Variants in UBTD1 observed in about 807,000 individuals in gnomAD.
The protein encoded by UBTD1 is ubiquitin domain-containing protein 1.
UBTD1 carries 19 observed loss-of-function variants against 21.7 expected under a neutral mutation model. That is an observed-to-expected ratio of 0.87 (90% CI 0.61 to 1.28). UBTD1 has a LOEUF of 1.28. Among genes scored for constraint, UBTD1 ranks in the 50% most tolerant of loss-of-function variants. UBTD1 has a pLI of 0.00. For missense variants in UBTD1, 282 were observed against 315.1 expected (o/e 0.89, Z 0.80); for synonymous variants, 116 against 135.1 (o/e 0.86, Z 0.98).
chr10:97,501,124 T>A (rs1399303189), intron 1 of UBTD1, among the ~76,000 whole-genome samples: 1 of 152,198 alleles, frequency 6.6e-6, no homozygotes. Flanking sequence ...CTTGCCACCC[T>A]ACTTTGTACC....
intron 1 of UBTD1, among the ~76,000 whole-genome samples, chr10:97,515,319 G>A (rs2040439479): frequency 6.6e-6 from 1 of 152,218 alleles, no homozygotes; most frequent in Admixed American, 6.5e-5. Context: ...GAGAGTATTT[G>A]TCGAGCACAG....
intron 1 of UBTD1, among the ~76,000 whole-genome samples, chr10:97,558,139 C>T (rs1158151165): frequency 6.6e-6 from 1 of 152,018 alleles, no homozygotes; most frequent in Non-Finnish European, 1.5e-5. Flanking sequence ...CCACGTACAG[C>T]TCCCAGTCTA....
intron 2 of UBTD1, among the ~76,000 whole-genome samples, chr10:97,569,193 T>C (rs1223029745): frequency 6.6e-6 from 1 of 152,242 alleles, no homozygotes; most frequent in African/African-American, 2.4e-5. Context: ...GCTTCTCGAA[T>C]TTAGAGCCTG....
intron 1 of UBTD1, among the ~76,000 whole-genome samples, chr10:97,546,012 T>A (rs1404831697): frequency 6.6e-6 from 1 of 152,148 alleles, no homozygotes; most frequent in South Asian, 2.1e-4. Flanking sequence ...CTCAAACTCC[T>A]GATCTCAAGA....
At chr10:97,541,204 C>T (rs574509618) in intron 1 of UBTD1, among the ~76,000 whole-genome samples, 13 of 152,236 alleles carry the variant, frequency 8.5e-5, no homozygotes, top group Middle Eastern at 3.4e-3. Context: ...TTACCAGGCA[C>T]GGTGGCTCAT....
intron 1 of UBTD1, among the ~76,000 whole-genome samples, chr10:97,553,985 A>G (rs1589881617): frequency 6.6e-6 from 1 of 152,188 alleles, no homozygotes; most frequent in Non-Finnish European, 1.5e-5. Context: ...GGGACCCTGA[A>G]GGCTACTCTG....
intron 1 of UBTD1, among the ~76,000 whole-genome samples, chr10:97,552,210 A>T (rs1039506561): frequency 5.3e-5 from 8 of 151,242 alleles, no homozygotes; most frequent in African/African-American, 2.0e-4. Flanking sequence ...AAAAAAAAAA[A>T]AAATTTTTTT....
intron 1 of UBTD1, among the ~76,000 whole-genome samples, chr10:97,517,232 C>T (rs530582454): frequency 1.3e-5 from 2 of 152,110 alleles, no homozygotes; most frequent in East Asian, 3.9e-4. Context: ...GTGGTAGGGG[C>T]TCTGGGGAGG....
chr10:97,570,719 G>C lies in UBTD1; in HGVS notation c.*196G>C. On this transcript the variant is annotated 3_prime_UTR_variant, in exon 3 of 3. Transcript: ENST00000370664. The surrounding 1 kb of genome is among the most constrained non-coding windows in gnomAD (Gnocchi z 6.6). The stretch of plus-strand genomic sequence containing the variant: ...ACCCAGGGAGCAGGCAGCCACACAC[G>C]GGCCTTGCAACCTTGTCAGAGAAAA... The C allele has an allele frequency of 1.5e-6, 1 of 645,376 alleles. No homozygotes were observed. Among genetic ancestry groups the C allele is most frequent in the East Asian group, 2.8e-5 (1 of 36,026 alleles). The allele number at this position is 645,376 out of a possible 1,614,324, so 40.0% of individuals were successfully genotyped here.
intron 1 of UBTD1, among the ~76,000 whole-genome samples, chr10:97,522,580 AAC>A (rs763989868): frequency 3.9e-5 from 6 of 152,134 alleles, no homozygotes; most frequent in Non-Finnish European, 8.8e-5. Context: ...CCAGGCAGGA[AAC>A]ACAACCCCAG....
intron 1 of UBTD1, among the ~76,000 whole-genome samples, chr10:97,557,350 T>G (rs1227139686): frequency 6.6e-6 from 1 of 151,412 alleles, no homozygotes; most frequent in Non-Finnish European, 1.5e-5. Context: ...TGTTGCATGT[T>G]TTTTTTTTAA....
chr10:97,565,456 C>T (rs2040712565), intron 1 of UBTD1, among the ~76,000 whole-genome samples: 3 of 152,088 alleles, frequency 2.0e-5, no homozygotes, highest in Admixed American at 2.0e-4. Flanking sequence ...TGCTTCCTTC[C>T]CATTTTCCCT....
Position 97,535,476 on chromosome 10 carries a change from G to A in UBTD1, c.71-32438G>A, listed in dbSNP as rs190566997. Among the ~76,000 whole-genome samples, 85 of 152,240 alleles carry A rather than the reference G, an allele frequency of 5.6e-4. 1 individual carries two copies. In the East Asian group the frequency reaches 0.016, roughly 28 times the overall value. On this transcript the variant is annotated intron_variant, in intron 1 of 2. Coordinates refer to ENST00000370664, the MANE Select transcript of UBTD1 (RefSeq NM_024954.5). ...TGAAAATACAAAAAATTAGCTGGGC[G>A]TGGTGGCATGTGCCTGTAGTCCCAG...
chr10:97,552,564 TTTTGTATC>T (rs995020149), intron 1 of UBTD1, among the ~76,000 whole-genome samples: 71 of 151,848 alleles, frequency 4.7e-4, no homozygotes, highest in African/African-American at 1.4e-3. Context: ...CCTGGCTAAT[TTTTGTATC>T]TTTGTATTTT....
intron 1 of UBTD1, among the ~76,000 whole-genome samples, chr10:97,500,550 T>G (rs1329481082): frequency 6.6e-6 from 1 of 152,230 alleles, no homozygotes; most frequent in African/African-American, 2.4e-5. Flanking sequence ...TTGCTTTCAT[T>G]CATTCATTTG....
At chr10:97,506,815 A>G (rs977418664) in intron 1 of UBTD1, among the ~76,000 whole-genome samples, 10 of 152,314 alleles carry the variant, frequency 6.6e-5, no homozygotes, top group African/African-American at 2.2e-4. Context: ...TCAAGGTTCC[A>G]TGGTGTAGCA....
chr10:97,506,347 G>A (rs1449724836), intron 1 of UBTD1, among the ~76,000 whole-genome samples: 1 of 152,214 alleles, frequency 6.6e-6, no homozygotes, highest in African/African-American at 2.4e-5. Flanking sequence ...GAGACTCTAG[G>A]GCAGTGGGCC....
At chr10:97,506,908 T>G (rs948548868) in intron 1 of UBTD1, among the ~76,000 whole-genome samples, 2 of 152,228 alleles carry the variant, frequency 1.3e-5, no homozygotes, top group African/African-American at 2.4e-5. Context: ...CATTCCTCCA[T>G]TGATGGACCC....
At chr10:97,502,745 G>A (rs2040381340) in intron 1 of UBTD1, among the ~76,000 whole-genome samples, 1 of 151,984 alleles carries the variant, frequency 6.6e-6, no homozygotes, top group South Asian at 2.1e-4. Flanking sequence ...ACACAATACT[G>A]TCTGGTCAGG....
Sources: allele counts gnomAD v4.1 joint callset (sites outside exome capture counted in the v4.1 genomes callset), GRCh38; gene constraint gnomAD v4.1.1; non-coding constraint Gnocchi (gnomAD v3.1); transcripts MANE v1.5; gene names NCBI Gene and HGNC (gene_info 2026-07-23, HGNC 2026-07-21).